The following ABL2 variants were observed in gnomAD, a reference collection of about 807,000 sequenced individuals.
ABL2 encodes ABL proto-oncogene 2, non-receptor tyrosine kinase.
ABL2 carries 49 observed loss-of-function variants against 107.7 expected under a neutral mutation model. The ratio of observed to expected loss-of-function variants is 0.45; its 90% CI spans 0.36 to 0.58. ABL2 has a LOEUF of 0.58. Among genes scored for constraint, ABL2 ranks in the 20% least tolerant of loss-of-function variants. The probability of loss-of-function intolerance (pLI) is 0.00; values close to 1 mark genes in which losing one functional copy is unlikely to be tolerated. For synonymous variants in ABL2, 549 were observed against 548.6 expected (o/e 1.00, Z -0.01); for missense variants, 1,245 against 1,457.0 (o/e 0.85, Z 2.37).
intron 1 of ABL2, among the ~76,000 whole-genome samples, chr1:179,216,844 C>T (rs550334287): frequency 2.0e-5 from 3 of 151,730 alleles, no homozygotes; most frequent in Admixed American, 6.6e-5. Context: ...CCACCATGCC[C>T]GGCTAATTTT....
At chr1:179,189,203 T>C (rs1660859436) in intron 1 of ABL2, among the ~76,000 whole-genome samples, 1 of 152,200 alleles carries the variant, frequency 6.6e-6, no homozygotes, top group Admixed American at 6.5e-5. Context: ...TGGTGCGATC[T>C]AGGCTCACTG....
chr1:179,198,920 C>T lies in ABL2; in HGVS notation c.157+30321G>A, dbSNP rs370244656. ...GCAGTGGCACGATCTCGGCTCACTG[C>T]AACCTCTGCCTCCCAGGTCCAAGCG... is the stretch of plus-strand genomic sequence containing the variant. On this transcript the variant is annotated intron_variant, in intron 1 of 11. Coordinates refer to ENST00000502732, the MANE Select transcript of ABL2 (RefSeq NM_007314.4). Among the ~76,000 whole-genome samples the T allele has an allele frequency of 1.3e-4, 19 of 150,284 alleles. No homozygotes were observed. The East Asian group carries it at 3.4e-3, about 27-fold the overall frequency.
In ABL2 at chr1:179,108,182, C is replaced by T. The variant is rs370175435; in HGVS notation, c.3085G>A (p.Ala1029Thr). 2.5e-5 allele frequency: 41 copies of T among 1,614,194 alleles called. No individual in the cohort carries two copies. The highest frequency in any genetic ancestry group is 8.3e-5 in the Admixed American group (5 of 60,022). ...CCAGCTTTCCCACTGATGGGCACTG[C>T]GCCCAGAGCTGCCTTCTTTCCTCCT... Reference protein sequence around the residue: ...QEGGKKAALGAVPISGKAGRP... With the variant: ...QEGGKKAALGTVPISGKAGRP... The change falls in exon 12 of 12, where the codon GCA (alanine) becomes ACA (threonine). Residue 1029 changes from alanine to threonine, a missense_variant. Coordinates refer to ENST00000502732, the MANE Select transcript of ABL2 (RefSeq NM_007314.4).
At chr1:179,169,777 C>T (rs931602942) in intron 1 of ABL2, among the ~76,000 whole-genome samples, 1 of 152,078 alleles carries the variant, frequency 6.6e-6, no homozygotes, top group Non-Finnish European at 1.5e-5. Flanking sequence ...GACACAATGA[C>T]TCATGCTTGT....
chr1:179,228,091 G>C (rs1302148255), intron 1 of ABL2, among the ~76,000 whole-genome samples: 1 of 150,028 alleles, frequency 6.7e-6, no homozygotes. Context: ...GCCAGGAACG[G>C]TGGTGGCTCA....
At chr1:179,111,194 G>C (rs1181948291) in intron 10 of ABL2, among the ~76,000 whole-genome samples, 5 of 150,378 alleles carry the variant, frequency 3.3e-5, no homozygotes, top group East Asian at 2.0e-4. Context: ...ATGTTGGCCA[G>C]GCTGGTCTCG....
chr1:179,225,632 T>C (rs1255914743), intron 1 of ABL2, among the ~76,000 whole-genome samples: 4 of 152,196 alleles, frequency 2.6e-5, no homozygotes, highest in Admixed American at 6.6e-5. Context: ...AAGAAGGTGC[T>C]ACTGGCATCT....
Position 179,121,809 on chromosome 1 carries a change from G to C in ABL2, c.746C>G (p.Ser249Cys). Residue 249 changes from serine (S) to cysteine (C), a missense_variant, in exon 5 of 12, where the codon TCC (serine) becomes TGC (cysteine). Ser to Cys is a moderately radical substitution (Grantham distance 112). Transcript: ENST00000502732. Reference protein sequence around the residue: ...STLAELVHHHSTVADGLVTTL... With the variant: ...STLAELVHHHCTVADGLVTTL... ...TGTCACCAGCCCATCAGCCACTGTGGAGTGATGGTGTACAAGCTCTGCCAA... is the reference window on the plus strand; with the variant it reads ...TGTCACCAGCCCATCAGCCACTGTGCAGTGATGGTGTACAAGCTCTGCCAA... The C allele has an allele frequency of 1.9e-6, 3 of 1,614,006 alleles. No individual in the cohort carries two copies. Among genetic ancestry groups the C allele is most frequent in the Non-Finnish European group, 2.5e-6 (3 of 1,179,994 alleles).
intron 1 of ABL2, among the ~76,000 whole-genome samples, chr1:179,148,176 C>G (rs1251457540): frequency 6.6e-6 from 1 of 151,722 alleles, no homozygotes; most frequent in Non-Finnish European, 1.5e-5. Context: ...GTAGCTGGGA[C>G]CACACGTGTG....
chr1:179,126,754 A>G lies in ABL2; in HGVS notation c.392-82T>C. ...GAAGCAGTGTACTGTCAAACTTTAA[A>G]CTCATTAAAAAAAAAAAAGAATCTA... On this transcript the variant is annotated intron_variant, in intron 3 of 11. Transcript: ENST00000502732. This position sits in a 1 kb window ranked among gnomAD's most constrained non-coding sequence, Gnocchi z 4.4. The G allele has an allele frequency of 7.6e-7, 1 of 1,314,432 alleles. No homozygotes were observed. Among genetic ancestry groups the G allele is most frequent in the Non-Finnish European group, 1.0e-6 (1 of 984,388 alleles). The allele number at this position is 1,314,432 out of a possible 1,614,324, so 81.4% of individuals were successfully genotyped here. A position where few individuals can be genotyped will look rare whatever the true frequency, so the allele number is the denominator to read the frequency against.
intron 1 of ABL2, among the ~76,000 whole-genome samples, chr1:179,148,697 C>T (rs776291882): frequency 6.6e-6 from 1 of 151,994 alleles, no homozygotes; most frequent in Non-Finnish European, 1.5e-5. Flanking sequence ...GTCAGGAGTT[C>T]GAGACCAGCC....
chr1:179,215,779 T>C (rs965709617), intron 1 of ABL2, among the ~76,000 whole-genome samples: 1 of 152,184 alleles, frequency 6.6e-6, no homozygotes, highest in Admixed American at 6.5e-5. Flanking sequence ...TATCAACCTT[T>C]CTTTCCTATA....
At position 179,229,652 on chromosome 1, in the gene ABL2, G is replaced by GCCGCCGCCA. The variant is rs1553236251; in HGVS notation, c.-256_-255insTGGCGGCGG. ...CCCCAACGCCGCCGCCGCCGCCGCC[G>GCCGCCGCCA]CCACCGCCGCCGCCATCTTTAAACC... On this transcript the variant is annotated 5_prime_UTR_variant, in exon 1 of 12. Transcript: ENST00000502732. 5 of 463,108 alleles carry GCCGCCGCCA rather than the reference G, an allele frequency of 1.1e-5. No individual in the cohort carries two copies. The highest frequency in any genetic ancestry group is 4.4e-5 in the East Asian group (1 of 22,514). 28.7% of individuals were successfully genotyped at this position (463,108 alleles called of 1,614,324 possible).
chr1:179,144,093 A>G (rs1340823440), intron 1 of ABL2, among the ~76,000 whole-genome samples: 1 of 152,258 alleles, frequency 6.6e-6, no homozygotes, highest in Non-Finnish European at 1.5e-5. Flanking sequence ...ATAGTACTTT[A>G]TGAGAATTAA....
intron 1 of ABL2, among the ~76,000 whole-genome samples, chr1:179,225,881 A>C (rs1231534650): frequency 2.6e-5 from 4 of 151,920 alleles, no homozygotes; most frequent in African/African-American, 9.7e-5. Context: ...CTCTACTAAA[A>C]ATACAAAAAA....
intron 1 of ABL2, among the ~76,000 whole-genome samples, chr1:179,169,653 T>C (rs1659603187): frequency 6.6e-6 from 1 of 152,120 alleles, no homozygotes; most frequent in Non-Finnish European, 1.5e-5. Flanking sequence ...GTTGAATTAT[T>C]TAAGAACAAA....
intron 1 of ABL2, among the ~76,000 whole-genome samples, chr1:179,148,894 C>T (rs1046915356): frequency 1.2e-4 from 16 of 138,272 alleles, no homozygotes; most frequent in African/African-American, 4.3e-4. Context: ...AGCAAGACTC[C>T]GTCTTGAAAA....
At chr1:179,228,156 G>A (rs1004833976) in intron 1 of ABL2, among the ~76,000 whole-genome samples, 3 of 151,166 alleles carry the variant, frequency 2.0e-5, no homozygotes, top group Admixed American at 1.3e-4. Flanking sequence ...CCTGATGTCA[G>A]GAGTATATGA....
chr1:179,151,827 C>A (rs1201256368), intron 1 of ABL2, among the ~76,000 whole-genome samples: 6 of 152,100 alleles, frequency 3.9e-5, no homozygotes, highest in Non-Finnish European at 8.8e-5. Flanking sequence ...TTTGGAGGAT[C>A]ACAAACCATT....
Sources: gnomAD v4.1 joint callset for allele counts (sites outside exome capture counted in the v4.1 genomes callset) on GRCh38, gnomAD v4.1.1 for gene constraint, Gnocchi (gnomAD v3.1) non-coding constraint, MANE v1.5 for transcripts, NCBI Gene and HGNC (gene_info 2026-07-23, HGNC 2026-07-21) for gene names.